DPYD: variants seen among roughly 807,000 people sequenced by gnomAD.
DPYD encodes the protein dihydropyrimidine dehydrogenase [NADP(+)].
In DPYD, 109 loss-of-function variants were observed where a neutral mutation model predicts 116.2. That is an observed-to-expected ratio of 0.94 (90% CI 0.80 to 1.10). The LOEUF (loss-of-function observed/expected upper bound fraction) is 1.10, where lower values mean the gene tolerates loss of function less well. Among genes scored for constraint, DPYD ranks in the 50% least tolerant of loss-of-function variants. The pLI, the probability that DPYD is intolerant of heterozygous loss-of-function variation, is 0.00. For synonymous variants in DPYD, 440 were observed against 432.0 expected, an observed-to-expected ratio of 1.02 and a Z score of -0.23; for missense variants, 1,302 against 1,254.5, an observed-to-expected ratio of 1.04 and a Z score of -0.57.
chr1:97,267,298 T>C (rs1324688628), intron 18 of DPYD, among the ~76,000 whole-genome samples: 1 of 152,250 alleles, frequency 6.6e-6, no homozygotes, highest in African/African-American at 2.4e-5. Flanking sequence ...GAGCATTTTT[T>C]TCATGTGTCT....
intron 3 of DPYD, among the ~76,000 whole-genome samples, chr1:97,803,580 C>T (rs959329243): frequency 1.3e-5 from 2 of 151,744 alleles, no homozygotes; most frequent in South Asian, 2.1e-4. Flanking sequence ...ACACAAAAAA[C>T]AGAGAGATGA....
chr1:97,473,198 A>T (rs766456942), intron 13 of DPYD, among the ~76,000 whole-genome samples: 13 of 152,210 alleles, frequency 8.5e-5, no homozygotes, highest in Non-Finnish European at 1.6e-4. Context: ...TTTAAATTCC[A>T]CAAAGAAGTC....
chr1:97,662,708 A>G (rs1471763434), intron 8 of DPYD, among the ~76,000 whole-genome samples: 1 of 152,150 alleles, frequency 6.6e-6, no homozygotes, highest in Non-Finnish European at 1.5e-5. Flanking sequence ...TTGCCCTATT[A>G]TCATGAAAAT....
chr1:97,795,451 T>C (rs1013365132), intron 3 of DPYD, among the ~76,000 whole-genome samples: 5 of 152,046 alleles, frequency 3.3e-5, no homozygotes, highest in African/African-American at 1.2e-4. Context: ...AACTGTTAGC[T>C]ATATGCTGAT....
At chr1:97,275,515 C>T (rs975811823) in intron 18 of DPYD, among the ~76,000 whole-genome samples, 7 of 152,272 alleles carry the variant, frequency 4.6e-5, no homozygotes, top group African/African-American at 1.7e-4. Context: ...TTTCCTTTAC[C>T]TGTAAACTCT....
chr1:97,142,237 T>C (rs1222011792), intron 20 of DPYD, among the ~76,000 whole-genome samples: 1 of 152,218 alleles, frequency 6.6e-6, no homozygotes, highest in Non-Finnish European at 1.5e-5. Context: ...CAAATAATCA[T>C]ATTGTACATT....
intron 5 of DPYD, among the ~76,000 whole-genome samples, chr1:97,709,612 T>C (rs1662170044): frequency 6.6e-6 from 1 of 151,786 alleles, no homozygotes; most frequent in Non-Finnish European, 1.5e-5. Flanking sequence ...GGAGAGATTA[T>C]ATTGATATTT....
chr1:97,564,881 C>T (rs1390285101), intron 11 of DPYD, among the ~76,000 whole-genome samples: 1 of 152,124 alleles, frequency 6.6e-6, no homozygotes, highest in Non-Finnish European at 1.5e-5. Context: ...ATTACTGACA[C>T]TGTAGTTCCA....
intron 18 of DPYD, among the ~76,000 whole-genome samples, chr1:97,297,687 C>T (rs1231665274): frequency 1.3e-5 from 2 of 152,174 alleles, no homozygotes; most frequent in Non-Finnish European, 2.9e-5. Context: ...GCTACCAGCA[C>T]TGCTGTTTCC....
chr1:97,903,031 C>T (rs1182343347), intron 1 of DPYD, among the ~76,000 whole-genome samples: 1 of 151,762 alleles, frequency 6.6e-6, no homozygotes. Context: ...GGTTACTGGG[C>T]TGGCACAGAA....
At chr1:97,488,215 T>C (rs1337976756) in intron 13 of DPYD, among the ~76,000 whole-genome samples, 2 of 152,142 alleles carry the variant, frequency 1.3e-5, no homozygotes, top group Non-Finnish European at 2.9e-5. Context: ...TTATACAATA[T>C]TTTTGAAATT....
At chr1:97,518,309 C>T (rs1230484234) in intron 12 of DPYD, among the ~76,000 whole-genome samples, 1 of 152,064 alleles carries the variant, frequency 6.6e-6, no homozygotes, top group Non-Finnish European at 1.5e-5. Flanking sequence ...AAAATCTTCA[C>T]TTGTCATAGG....
chr1:97,184,699 T>C (rs374013874), intron 20 of DPYD, among the ~76,000 whole-genome samples: 21 of 152,288 alleles, frequency 1.4e-4, no homozygotes, highest in African/African-American at 4.8e-4. Flanking sequence ...CAATTGTTCA[T>C]GTAGAAACAG....
chr1:97,299,854 C>T (rs998647727), intron 18 of DPYD, among the ~76,000 whole-genome samples: 1 of 151,994 alleles, frequency 6.6e-6, no homozygotes, highest in African/African-American at 2.4e-5. Flanking sequence ...CCTGCACAGA[C>T]CAACGATGGC....
At chr1:97,513,160 A>G (rs1016503140) in intron 13 of DPYD, among the ~76,000 whole-genome samples, 3 of 151,700 alleles carry the variant, frequency 2.0e-5, no homozygotes, top group Non-Finnish European at 2.9e-5. Context: ...TCTGGCATCT[A>G]CAAATGTCAA....
chr1:97,882,264 T>C (rs1672263677), intron 2 of DPYD, among the ~76,000 whole-genome samples: 1 of 151,994 alleles, frequency 6.6e-6, no homozygotes, highest in African/African-American at 2.4e-5. Context: ...TGGGATCTTT[T>C]CATGTAACAT....
intron 16 of DPYD, among the ~76,000 whole-genome samples, chr1:97,341,581 T>C (rs753604155): frequency 5.1e-4 from 78 of 152,176 alleles, no homozygotes; most frequent in Non-Finnish European, 1.0e-3. Context: ...ATTAAAAAGG[T>C]GAAATTTACA....
chr1:97,384,111 T>C (rs2101572921), intron 14 of DPYD, among the ~76,000 whole-genome samples: 1 of 152,032 alleles, frequency 6.6e-6, no homozygotes, highest in East Asian at 1.9e-4. Context: ...TCTATCTCCA[T>C]AAAATAAAAA....
intron 14 of DPYD, among the ~76,000 whole-genome samples, chr1:97,403,208 T>G (rs1673466342): frequency 6.6e-6 from 1 of 152,060 alleles, no homozygotes; most frequent in African/African-American, 2.4e-5. Context: ...TATTGTTAAG[T>G]CAAAAGTGTG....
Sources: allele counts gnomAD v4.1 joint callset (sites outside exome capture counted in the v4.1 genomes callset), GRCh38; gene constraint gnomAD v4.1.1; transcripts MANE v1.5; gene names NCBI Gene and HGNC (gene_info 2026-07-23, HGNC 2026-07-21).